SORCS1: variants seen among roughly 807,000 people sequenced by gnomAD.
SORCS1 encodes sortilin related VPS10 domain containing receptor 1, also known as VPS10 domain-containing receptor SorCS1.
In SORCS1, 60 loss-of-function variants were observed where a neutral mutation model predicts 146.1. The ratio of observed to expected loss-of-function variants is 0.41; its 90% CI spans 0.33 to 0.51. The LOEUF (loss-of-function observed/expected upper bound fraction) is 0.51, where lower values mean the gene tolerates loss of function less well. Among genes scored for constraint, SORCS1 ranks in the 20% least tolerant of loss-of-function variants. The pLI, the probability that SORCS1 is intolerant of heterozygous loss-of-function variation, is 0.21. For synonymous variants in SORCS1, 637 were observed against 584.0 expected (o/e 1.09, Z -1.31); for missense variants, 1,352 against 1,487.6 (o/e 0.91, Z 1.50).
Position 107,140,043 on chromosome 10 carries a change from C to A in SORCS1, c.558+23926G>T, listed in dbSNP as rs1404492817. 2.6e-5 allele frequency among the ~76,000 whole-genome samples: 4 copies of A among 152,344 alleles called. No homozygotes were observed. In the South Asian group the frequency reaches 8.3e-4, roughly 32 times the overall value. On this transcript the variant is annotated intron_variant, in intron 1 of 25. Coordinates refer to ENST00000263054, the MANE Select transcript of SORCS1 (RefSeq NM_052918.5). ...TCTAAAGCATGATATTCCACTCCTT[C>A]ATCAGGGCAAAGCTAACACTGCAAC...
At chr10:106,597,224 G>C in intron 24 of SORCS1, 127 bp downstream of exon 24, 1 of 732,538 alleles carries the variant, frequency 1.4e-6, no homozygotes, top group Non-Finnish European at 2.3e-6. Flanking sequence ...GAACCTCCAA[G>C]ATCCGATGAC....
rs1480513353 is a variant in SORCS1 at position 106,590,236 on chromosome 10, G to T, written c.3265+7115C>A. Among the ~76,000 whole-genome samples the T allele has an allele frequency of 2.0e-5, 3 of 152,070 alleles. No homozygotes were observed. In the East Asian group the frequency reaches 5.8e-4, roughly 29 times the overall value. On this transcript the variant is annotated intron_variant, in intron 24 of 25. Coordinates refer to ENST00000263054, the MANE Select transcript of SORCS1 (RefSeq NM_052918.5). Reference sequence around the variant, plus strand: ...TGGTGAATTCCTATTCAACCTTAAAGACTCAGCTTTACTGAATCTTCTGCA... The same window carrying T: ...TGGTGAATTCCTATTCAACCTTAAATACTCAGCTTTACTGAATCTTCTGCA...
At chr10:106,797,024 T>C (rs977911492) in intron 3 of SORCS1, among the ~76,000 whole-genome samples, 1 of 152,098 alleles carries the variant, frequency 6.6e-6, no homozygotes, top group African/African-American at 2.4e-5. Context: ...GGAGACTCGC[T>C]TGAACCTGGG....
chr10:107,069,500 C>A (rs566498461), intron 1 of SORCS1, among the ~76,000 whole-genome samples: 1 of 151,950 alleles, frequency 6.6e-6, no homozygotes, highest in Admixed American at 6.6e-5. Flanking sequence ...CTCAGCCTCC[C>A]GAGTAGCTGG....
chr10:107,061,628 C>A (rs1961242336), intron 1 of SORCS1, among the ~76,000 whole-genome samples: 1 of 152,136 alleles, frequency 6.6e-6, no homozygotes, highest in African/African-American at 2.4e-5. Flanking sequence ...GTGAACAAGT[C>A]AGAGCAAAAT....
At chr10:106,859,805 A>G (rs956236356) in intron 2 of SORCS1, among the ~76,000 whole-genome samples, 13 of 152,148 alleles carry the variant, frequency 8.5e-5, no homozygotes. Context: ...ATATGCTGCC[A>G]TGTATTACAT....
At position 106,726,065 on chromosome 10, in the gene SORCS1, A is replaced by G. The variant is rs1005062890; in HGVS notation, c.1024+3985T>C. On this transcript the variant is annotated intron_variant, in intron 6 of 25. Coordinates refer to ENST00000263054, the MANE Select transcript of SORCS1 (RefSeq NM_052918.5). ...AACTTTGCCCACTACATTTGCTGAC[A>G]CCTTGCTACCCTGACCTCTCTGTGC... 3.3e-5 allele frequency among the ~76,000 whole-genome samples: 5 copies of G among 151,186 alleles called. No homozygotes were observed. The East Asian group carries it at 9.7e-4, about 29-fold the overall frequency.
At chr10:106,807,642 C>T (rs1457086027) in intron 3 of SORCS1, among the ~76,000 whole-genome samples, 2 of 152,174 alleles carry the variant, frequency 1.3e-5, no homozygotes, top group South Asian at 2.1e-4. Flanking sequence ...CAGCAATTGC[C>T]CTGGCCAGAA....
intron 24 of SORCS1, among the ~76,000 whole-genome samples, chr10:106,596,079 AG>A (rs954949950): frequency 6.6e-6 from 1 of 152,212 alleles, no homozygotes; most frequent in African/African-American, 2.4e-5. Context: ...TGTCTTTCCC[AG>A]GATTCCATAG....
intron 1 of SORCS1, among the ~76,000 whole-genome samples, chr10:107,073,997 C>T (rs1962666585): frequency 6.6e-6 from 1 of 152,114 alleles, no homozygotes; most frequent in African/African-American, 2.4e-5. Flanking sequence ...ATATCTCACA[C>T]CAGAATGGTA....
intron 4 of SORCS1, among the ~76,000 whole-genome samples, chr10:106,774,176 C>A (rs1860248013): frequency 6.6e-6 from 1 of 152,110 alleles, no homozygotes; most frequent in Admixed American, 6.6e-5. Context: ...CAAAGGGTAC[C>A]TTTTGGTTCT....
At chr10:106,952,422 C>G (rs1190728511) in intron 2 of SORCS1, among the ~76,000 whole-genome samples, 1 of 151,978 alleles carries the variant, frequency 6.6e-6, no homozygotes, top group Non-Finnish European at 1.5e-5. Context: ...GTCCTCTACC[C>G]ACCCAGGCCT....
chr10:106,633,840 C>T (rs966833333), intron 18 of SORCS1, among the ~76,000 whole-genome samples: 1 of 152,078 alleles, frequency 6.6e-6, no homozygotes, highest in Non-Finnish European at 1.5e-5. Context: ...CTACCCAAGA[C>T]CCAGCACTGT....
chr10:107,072,801 C>T (rs1349044409), intron 1 of SORCS1, among the ~76,000 whole-genome samples: 1 of 151,098 alleles, frequency 6.6e-6, no homozygotes, highest in Admixed American at 6.6e-5. Context: ...TGAATAATTG[C>T]CCAGAAACTA....
At chr10:106,954,162 C>T (rs1954827939) in intron 2 of SORCS1, among the ~76,000 whole-genome samples, 1 of 152,352 alleles carries the variant, frequency 6.6e-6, no homozygotes, top group Middle Eastern at 3.4e-3. Context: ...GTTCTTTCCA[C>T]TGTGCAGGTG....
At chr10:106,865,731 TAAATAAAATA>T (rs975317958) in intron 2 of SORCS1, among the ~76,000 whole-genome samples, 2 of 145,900 alleles carry the variant, frequency 1.4e-5, no homozygotes, top group African/African-American at 5.1e-5. Context: ...CTCAAAAAAA[TAAATAAAATA>T]AAATAAAATA....
chr10:106,838,053 AG>A (rs1473533436), intron 2 of SORCS1, among the ~76,000 whole-genome samples: 1 of 152,200 alleles, frequency 6.6e-6, no homozygotes, highest in Admixed American at 6.5e-5. Flanking sequence ...TGGGCACAGT[AG>A]GCACTATTTG....
chr10:106,955,686 G>A (rs578002986), intron 2 of SORCS1, among the ~76,000 whole-genome samples: 2 of 152,220 alleles, frequency 1.3e-5, no homozygotes, highest in Non-Finnish European at 2.9e-5. Context: ...AGGGAAGTTA[G>A]TAAAGGAATG....
intron 16 of SORCS1, among the ~76,000 whole-genome samples, chr10:106,668,345 C>T (rs1851333265): frequency 6.6e-6 from 1 of 152,168 alleles, no homozygotes; most frequent in Non-Finnish European, 1.5e-5. Flanking sequence ...AGGAGTGTCT[C>T]GAGCATTCCC....
Sources: allele counts gnomAD v4.1 joint callset (sites outside exome capture counted in the v4.1 genomes callset), GRCh38; gene constraint gnomAD v4.1.1; transcripts MANE v1.5; gene names NCBI Gene and HGNC (gene_info 2026-07-23, HGNC 2026-07-21).